The following BABAM2 variants were observed in gnomAD, a reference collection of about 807,000 sequenced individuals.
BABAM2 encodes the protein BRISC and BRCA1-A complex member 2.
BABAM2 carries 31 observed loss-of-function variants against 54.7 expected under a neutral mutation model. The observed-to-expected ratio is 0.57, with a 90% CI of 0.43 to 0.77. BABAM2 has a LOEUF of 0.77. Among genes scored for constraint, BABAM2 ranks in the 30% least tolerant of loss-of-function variants. The pLI, the probability that BABAM2 is intolerant of heterozygous loss-of-function variation, is 0.00. For synonymous variants in BABAM2, 167 were observed against 162.9 expected (o/e 1.03, Z -0.19); for missense variants, 364 against 455.8 (o/e 0.80, Z 1.83).
intron 10 of BABAM2, among the ~76,000 whole-genome samples, chr2:28,245,649 A>G (rs920104904): frequency 1.1e-4 from 17 of 152,290 alleles, no homozygotes; most frequent in Non-Finnish European, 2.1e-4. Flanking sequence ...TGGTACGTAC[A>G]ATGTTCAGTC....
intron 2 of BABAM2, among the ~76,000 whole-genome samples, chr2:27,909,442 T>C (rs1666422044): frequency 6.6e-6 from 1 of 152,236 alleles, no homozygotes; most frequent in African/African-American, 2.4e-5. Context: ...TGATTTCTTT[T>C]TGGGTTCTGA....
At chr2:28,113,475 T>C (rs1370537056) in intron 6 of BABAM2, among the ~76,000 whole-genome samples, 1 of 152,208 alleles carries the variant, frequency 6.6e-6, no homozygotes, top group Non-Finnish European at 1.5e-5. Context: ...TGTGGTGTTA[T>C]TTCTGAGGTC....
intron 4 of BABAM2, among the ~76,000 whole-genome samples, chr2:28,011,172 G>GA (rs1674367184): frequency 6.6e-6 from 1 of 152,162 alleles, no homozygotes; most frequent in Admixed American, 6.5e-5. Context: ...ATGGATGTTG[G>GA]ACGTGAAACA....
intron 7 of BABAM2, among the ~76,000 whole-genome samples, chr2:28,198,492 C>T (rs1473011632): frequency 6.6e-6 from 1 of 152,042 alleles, no homozygotes; most frequent in East Asian, 1.9e-4. Context: ...AAATTTGCAG[C>T]CTGGATTTAC....
At chr2:27,936,128 C>G (rs1160180063) in intron 3 of BABAM2, among the ~76,000 whole-genome samples, 1 of 152,098 alleles carries the variant, frequency 6.6e-6, no homozygotes, top group Non-Finnish European at 1.5e-5. Context: ...CCATATTAGC[C>G]AGGCTGGTCT....
At chr2:28,258,615 C>CTTTTCTTTTTTTTTTTTTTTTTTT (rs752905871) in intron 10 of BABAM2, among the ~76,000 whole-genome samples, 2 of 100,044 alleles carry the variant, frequency 2.0e-5, no homozygotes, top group African/African-American at 7.4e-5. Context: ...TTTTTCTTTT[C>CTTTTCTTTTTTTTTTTTTTTTTTT]TTTTTTTTTT....
intron 7 of BABAM2, among the ~76,000 whole-genome samples, chr2:28,192,377 A>G (rs1277853581): frequency 6.6e-6 from 1 of 151,978 alleles, no homozygotes; most frequent in Admixed American, 6.6e-5. Flanking sequence ...GCACACCAAC[A>G]TGGCACATTT....
intron 7 of BABAM2, among the ~76,000 whole-genome samples, chr2:28,150,784 A>G (rs1671951994): frequency 6.6e-6 from 1 of 152,190 alleles, no homozygotes; most frequent in Admixed American, 6.5e-5. Context: ...AAGTCACTTC[A>G]CTTCTCTGGA....
rs1194065542 is a variant in BABAM2, at chr2:28,112,083, C to CTCTTTCTT, written c.571-17130_571-17123dup. 6.8e-4 allele frequency among the ~76,000 whole-genome samples: 67 copies of CTCTTTCTT among 98,808 alleles called. 19 individuals carry two copies. Among genetic ancestry groups the CTCTTTCTT allele is most frequent in the African/African-American group, 1.3e-3 (37 of 27,912 alleles). The allele number at this position is 98,808 out of a possible 152,430, so 64.8% of individuals were successfully genotyped here. Reference sequence around the variant, plus strand: ...ATACTTTTTCTTGAGATACCCATTACTCTTTCTTTCTTTCTTTCTTTCTTT... The same window carrying CTCTTTCTT: ...ATACTTTTTCTTGAGATACCCATTACTCTTTCTTTCTTTCTTTCTTTCTTTCTTTCTTT... On this transcript the variant is annotated intron_variant, in intron 6 of 11. Transcript: ENST00000379624.
At chr2:28,180,155 C>G (rs992786101) in intron 7 of BABAM2, among the ~76,000 whole-genome samples, 13 of 151,854 alleles carry the variant, frequency 8.6e-5, no homozygotes, top group Non-Finnish European at 1.9e-4. Context: ...GGCTGAATAA[C>G]CAAAGGAATC....
intron 11 of BABAM2, among the ~76,000 whole-genome samples, chr2:28,319,897 G>C (rs1400988701): frequency 6.6e-6 from 1 of 152,196 alleles, no homozygotes; most frequent in Non-Finnish European, 1.5e-5. Flanking sequence ...TCACGGTGGG[G>C]GAAGTGACCT....
chr2:28,282,954 C>T (rs1484651753), intron 10 of BABAM2, among the ~76,000 whole-genome samples: 2 of 128,188 alleles, frequency 1.6e-5, no homozygotes, highest in Non-Finnish European at 3.1e-5. Flanking sequence ...GCCAAGATCA[C>T]ACCACTACAT....
intron 7 of BABAM2, among the ~76,000 whole-genome samples, chr2:28,219,599 A>G (rs893800913): frequency 6.6e-6 from 1 of 151,838 alleles, no homozygotes; most frequent in Admixed American, 6.6e-5. Flanking sequence ...TCTGCCTACC[A>G]CAAATGCCTA....
At chr2:28,187,660 G>A (rs1676456053) in intron 7 of BABAM2, among the ~76,000 whole-genome samples, 1 of 121,164 alleles carries the variant, frequency 8.3e-6, no homozygotes, top group Admixed American at 1.1e-4. Context: ...CAGAACTTTG[G>A]AATTTTTTTT....
chr2:28,066,474 G>A (rs894144208), intron 6 of BABAM2, among the ~76,000 whole-genome samples: 3 of 152,112 alleles, frequency 2.0e-5, no homozygotes, highest in African/African-American at 4.8e-5. Context: ...TGCATAATAC[G>A]TTACTCGACA....
In BABAM2 at chr2:27,918,987, G is replaced by A. The variant is rs371573997; in HGVS notation, c.129-10845G>A. ...TTACAGGCATGAGCCACTGTGCCCG[G>A]CCTCATTATGAGTCTTTTAATCCAT... is the stretch of plus-strand genomic sequence containing the variant. On this transcript the variant is annotated intron_variant, in intron 2 of 11. Coordinates refer to ENST00000379624, the MANE Select transcript of BABAM2 (RefSeq NM_199191.3). Among the ~76,000 whole-genome samples the A allele has an allele frequency of 9.9e-5, 15 of 152,142 alleles. No individual in the cohort carries two copies. The East Asian group carries it at 2.9e-3, about 29-fold the overall frequency.
intron 7 of BABAM2, among the ~76,000 whole-genome samples, chr2:28,192,517 CTTTTTTTT>C (rs58587872): frequency 9.1e-5 from 11 of 120,586 alleles, no homozygotes; most frequent in Non-Finnish European, 1.5e-4. Context: ...GTTTATAGCT[CTTTTTTTT>C]TTTTTTTTTT....
At chr2:28,093,489 C>T (rs555468022) in intron 6 of BABAM2, among the ~76,000 whole-genome samples, 2 of 152,132 alleles carry the variant, frequency 1.3e-5, no homozygotes, top group Non-Finnish European at 2.9e-5. Context: ...AGCATGTCAT[C>T]AGCATAATGT....
intron 7 of BABAM2, among the ~76,000 whole-genome samples, chr2:28,133,071 T>C (rs1670229115): frequency 6.6e-6 from 1 of 152,236 alleles, no homozygotes. Flanking sequence ...CTTATATCTT[T>C]AAGTAGAAGT....
Sources: gnomAD v4.1 joint callset for allele counts (sites outside exome capture counted in the v4.1 genomes callset) on GRCh38, gnomAD v4.1.1 for gene constraint, MANE v1.5 for transcripts, NCBI Gene and HGNC (gene_info 2026-07-23, HGNC 2026-07-21) for gene names.